The following SMPD4 variants were observed in gnomAD, a reference collection of about 807,000 sequenced individuals.
SMPD4 encodes the protein sphingomyelin phosphodiesterase 4, also known as neutral sphingomyelinase 3.
A neutral mutation model predicts 97.8 loss-of-function variants in SMPD4; 58 were observed. The observed-to-expected ratio is 0.59, with a 90% CI of 0.48 to 0.74. The LOEUF is 0.74. Among genes scored for constraint, SMPD4 ranks in the 30% least tolerant of loss-of-function variants. The pLI, the probability that SMPD4 is intolerant of heterozygous loss-of-function variation, is 0.00. For synonymous variants in SMPD4, 388 were observed against 450.0 expected (o/e 0.86, Z 1.74); for missense variants, 853 against 1,080.5 (o/e 0.79, Z 2.95).
chr2:130,180,367 G>C (rs1353357746), intron 1 of SMPD4, among the ~76,000 whole-genome samples: 3 of 151,596 alleles, frequency 2.0e-5, no homozygotes, highest in Admixed American at 2.0e-4. Context: ...CCGCCTCGCG[G>C]GTGCAAGCAA....
At chr2:130,158,372 C>T (rs771174320) in intron 11 of SMPD4, 6 of 554,752 alleles carry the variant, frequency 1.1e-5, no homozygotes, top group Non-Finnish European at 1.6e-5. Flanking sequence ...GGCTGGAGCA[C>T]AGTGGCGCAA....
rs1208575407 is a variant in SMPD4, at chr2:130,163,199, GCAGGCTCAGGGAATAAC to G, written c.864+1158_864+1174del. On this transcript the variant is annotated intron_variant, in intron 10 of 19. Coordinates refer to ENST00000680298, the MANE Select transcript of SMPD4 (RefSeq NM_017951.5). ...AGTGTCCCAGAGCCCCACGGGAGGA[GCAGGCTCAGGGAATAAC>G]CAGGCCCCCAGGCACCGGCCAGGAA... Among the ~76,000 whole-genome samples the G allele has an allele frequency of 2.0e-5, 3 of 152,370 alleles. No individual in the cohort carries two copies. The East Asian group carries it at 5.8e-4, about 29-fold the overall frequency.
chr2:130,178,986 G>A (rs868455308), intron 1 of SMPD4, among the ~76,000 whole-genome samples: 1 of 152,118 alleles, frequency 6.6e-6, no homozygotes, highest in Middle Eastern at 3.2e-3. Flanking sequence ...ACAAGTAAAG[G>A]CACTGGGGTG....
intron 9 of SMPD4, 33 bp from the exon 10 acceptor site, chr2:130,164,478 T>C (rs1687733624): frequency 6.3e-7 from 1 of 1,586,098 alleles, no homozygotes; most frequent in South Asian, 1.1e-5. Flanking sequence ...CAAACCATTC[T>C]TGACAATGGT....
chr2:130,167,941 G>T (rs939940069), intron 8 of SMPD4, among the ~76,000 whole-genome samples: 1 of 152,110 alleles, frequency 6.6e-6, no homozygotes, highest in African/African-American at 2.4e-5. Flanking sequence ...TGAGCATGGG[G>T]GCTCACACCA....
intron 11 of SMPD4, among the ~76,000 whole-genome samples, chr2:130,158,473 T>C (rs1045674416): frequency 5.3e-5 from 8 of 152,174 alleles, no homozygotes; most frequent in South Asian, 2.1e-4. Flanking sequence ...TGTGCCACCA[T>C]GCCCAGCTAA....
rs3192414 is a variant in SMPD4, at chr2:130,152,309, C to G, written c.*246G>C. 0.37 allele frequency: 179,870 copies of G among 484,498 alleles called. 34,243 individuals are homozygous for G. Among genetic ancestry groups the G allele is most frequent in the Admixed American group, 0.45 (12,308 of 27,498 alleles). The allele number at this position is 484,498 out of a possible 1,614,324, so 30.0% of individuals were successfully genotyped here. On this transcript the variant is annotated 3_prime_UTR_variant, in exon 20 of 20. Transcript: ENST00000680298. ...CCTTGGCGGAGGGAGGGAAAGGCCGCCGCTGAGCTCTGCGCTGTCACAGAG... is the reference window on the plus strand; with the variant it reads ...CCTTGGCGGAGGGAGGGAAAGGCCGGCGCTGAGCTCTGCGCTGTCACAGAG...
In SMPD4 at chr2:130,156,593, A is replaced by T. The variant is rs1351328392; in HGVS notation, c.1180T>A (p.Phe394Ile). The T allele has an allele frequency of 6.2e-7, 1 of 1,613,522 alleles. No individual in the cohort carries two copies. Among genetic ancestry groups the T allele is most frequent in the Admixed American group, 1.7e-5 (1 of 59,990 alleles). Residue 394 changes from phenylalanine (F) to isoleucine (I), a missense_variant, in exon 13 of 20, where the codon TTC becomes ATC. Around this residue, in one of 3 missense-constraint regions of SMPD4, gnomAD observed 511 missense variants for 608.1 expected, o/e 0.84. Coordinates refer to ENST00000680298, the MANE Select transcript of SMPD4 (RefSeq NM_017951.5). ...CFGHWPLDAS[F>I]RAVLEMWLSY... ...ACGGGGCCAACACTCACAGCTCTGA[A>T]CGATGCGTCCAGGGGCCAGTGGCCA...
chr2:130,180,806 CAAGA>C (rs569818334), intron 1 of SMPD4, among the ~76,000 whole-genome samples: 271 of 152,216 alleles, frequency 1.8e-3, no homozygotes, highest in African/African-American at 6.3e-3. Flanking sequence ...AGGAAATTTC[CAAGA>C]AAGGAAATTC....
chr2:130,157,402 T>G lies in SMPD4; in HGVS notation c.952-6A>C, dbSNP rs766729229. 349 of 1,610,106 alleles carry G rather than the reference T, an allele frequency of 2.2e-4. No homozygotes were observed. The highest frequency in any genetic ancestry group is 2.9e-4 in the Non-Finnish European group (340 of 1,179,124). On this transcript the variant is annotated splice_region_variant and splice_polypyrimidine_tract_variant and intron_variant, in intron 11 of 19. Coordinates refer to ENST00000680298, the MANE Select transcript of SMPD4 (RefSeq NM_017951.5). Reference sequence around the variant, plus strand: ...TCAGTAGGCGTGAACGACTCCTGGGTGGAGAAGGAGGGGTGAGGGCCTGGG... The same window carrying G: ...TCAGTAGGCGTGAACGACTCCTGGGGGGAGAAGGAGGGGTGAGGGCCTGGG...
At chr2:130,158,657 T>C (rs1480080227) in intron 11 of SMPD4, among the ~76,000 whole-genome samples, 2 of 152,124 alleles carry the variant, frequency 1.3e-5, no homozygotes, top group African/African-American at 4.8e-5. Context: ...TTGGTGGCCA[T>C]GGGCTTCCTC....
At chr2:130,170,863 C>T (rs919150773) in intron 8 of SMPD4, among the ~76,000 whole-genome samples, 14 of 151,840 alleles carry the variant, frequency 9.2e-5, no homozygotes, top group Middle Eastern at 3.4e-3. Context: ...GAGTTTGAGG[C>T]CAGCCTGGCC....
chr2:130,161,261 C>G lies in SMPD4; in HGVS notation c.876G>C (p.Leu292=), dbSNP rs753978436. The G allele has an allele frequency of 1.9e-6, 3 of 1,613,880 alleles. No homozygotes were observed. The highest frequency in any genetic ancestry group is 2.5e-6 in the Non-Finnish European group (3 of 1,179,918). ...MQSPHAKLEV[L]HYRLSVSSAL... ...CGCTGGAGACACTGAGTCGGTAGTG[C>G]AGAACCTCCAGCTGAGATAAGAAAC... is the stretch of plus-strand genomic sequence containing the variant. The change falls in exon 11 of 20, where the codon CTG becomes CTC. Residue 292 remains leucine, a synonymous_variant. Coordinates refer to ENST00000680298, the MANE Select transcript of SMPD4 (RefSeq NM_017951.5).
chr2:130,181,491 G>A (rs1400350289), intron 1 of SMPD4, 39 bp downstream of exon 1: 2 of 1,571,782 alleles, frequency 1.3e-6, no homozygotes, highest in African/African-American at 1.3e-5. Context: ...AGCCCCCAGG[G>A]CGCCGGACCG....
chr2:130,174,455 C>G (rs1688781982), intron 3 of SMPD4, among the ~76,000 whole-genome samples: 1 of 152,162 alleles, frequency 6.6e-6, no homozygotes, highest in South Asian at 2.1e-4. Flanking sequence ...TTGTCTAGGC[C>G]AGCTTCCTGG....
chr2:130,168,378 C>T (rs191225654), intron 8 of SMPD4, among the ~76,000 whole-genome samples: 46 of 152,036 alleles, frequency 3.0e-4, no homozygotes, highest in African/African-American at 1.1e-3. Flanking sequence ...GAGCAGAGAT[C>T]GTACCACTGC....
intron 10 of SMPD4, among the ~76,000 whole-genome samples, chr2:130,162,552 C>CT (rs1308382635): frequency 5.3e-5 from 8 of 152,174 alleles, no homozygotes; most frequent in Admixed American, 2.0e-4. Flanking sequence ...ACACAGTGGC[C>CT]TACAGCGCCA....
At chr2:130,174,318 A>G (rs1350381170) in intron 3 of SMPD4, among the ~76,000 whole-genome samples, 1 of 152,196 alleles carries the variant, frequency 6.6e-6, no homozygotes, top group Non-Finnish European at 1.5e-5. Context: ...ACCACAAAAA[A>G]AAGATTCTTT....
In SMPD4 at chr2:130,173,372, C is replaced by T. The variant is rs369281608; in HGVS notation, c.270-18G>A. The T allele has an allele frequency of 1.9e-6, 3 of 1,608,724 alleles. No homozygotes were observed. Among genetic ancestry groups the T allele is most frequent in the Admixed American group, 3.4e-5 (2 of 58,448 alleles). On this transcript the variant is annotated intron_variant, in intron 4 of 19. Coordinates refer to ENST00000680298, the MANE Select transcript of SMPD4 (RefSeq NM_017951.5). Reference sequence around the variant, plus strand: ...TTGGGCCACTGAACACGAAATTGAACAAACAAACAAAAACAGGGCAAATGA... The same window carrying T: ...TTGGGCCACTGAACACGAAATTGAATAAACAAACAAAAACAGGGCAAATGA...
Sources: allele counts gnomAD v4.1 joint callset (sites outside exome capture counted in the v4.1 genomes callset), GRCh38; gene constraint gnomAD v4.1.1; regional missense constraint gnomAD v4.1.1; transcripts MANE v1.5; gene names NCBI Gene and HGNC (gene_info 2026-07-23, HGNC 2026-07-21).